The following MALRD1 variants were observed in gnomAD, a reference collection of about 807,000 sequenced individuals.
The protein encoded by MALRD1 is MAM and LDL-receptor class A domain-containing protein 1.
Under a neutral mutation model 242.1 loss-of-function variants are expected in MALRD1, and 247 were observed. The observed-to-expected ratio is 1.02, with a 90% CI of 0.92 to 1.13. The LOEUF (loss-of-function observed/expected upper bound fraction) is 1.13, where lower values mean the gene tolerates loss of function less well. MALRD1 is among the 50% of genes most tolerant of loss of function. The pLI is 0.00. For missense variants in MALRD1, 2,989 were observed against 2,533.1 expected, an observed-to-expected ratio of 1.18 and a Z score of -3.86; for synonymous variants, 995 against 866.6, an observed-to-expected ratio of 1.15 and a Z score of -2.60.
chr10:19,255,935 C>A (rs1161574047), intron 18 of MALRD1, among the ~76,000 whole-genome samples: 2 of 151,986 alleles, frequency 1.3e-5, no homozygotes, highest in South Asian at 2.1e-4. Flanking sequence ...ATAGCCAATT[C>A]TTTAATTTGT....
intron 33 of MALRD1, among the ~76,000 whole-genome samples, chr10:19,590,199 C>G (rs1837691133): frequency 6.6e-6 from 1 of 150,986 alleles, no homozygotes; most frequent in Non-Finnish European, 1.5e-5. Context: ...AGAAAATCAT[C>G]AAACATGAGG....
chr10:19,216,530 A>C (rs1183757352), intron 18 of MALRD1, among the ~76,000 whole-genome samples: 2 of 151,782 alleles, frequency 1.3e-5, no homozygotes, highest in Non-Finnish European at 2.9e-5. Flanking sequence ...TCAAGACTTA[A>C]TATTTCTTGA....
chr10:19,646,096 T>C (rs893782939), intron 36 of MALRD1, among the ~76,000 whole-genome samples: 1 of 152,204 alleles, frequency 6.6e-6, no homozygotes. Flanking sequence ...AATTTTTCTT[T>C]TCTTTTTAAA....
chr10:19,482,764 A>G (rs1039490471), intron 29 of MALRD1, among the ~76,000 whole-genome samples: 2 of 139,094 alleles, frequency 1.4e-5, no homozygotes, highest in Non-Finnish European at 3.1e-5. Context: ...GAAGAACTAT[A>G]AAATCCTTCT....
chr10:19,347,872 G>A lies in MALRD1; in HGVS notation c.4003G>A (p.Ala1335Thr). The A allele has an allele frequency of 6.5e-7, 1 of 1,550,384 alleles. No individual in the cohort carries two copies. Among genetic ancestry groups the A allele is most frequent in the East Asian group, 2.4e-5 (1 of 40,908 alleles). The change falls in exon 25 of 40, where the codon GCA becomes ACA. Residue 1335 changes from alanine (A) to threonine (T), a missense_variant. Coordinates refer to ENST00000454679, the MANE Select transcript of MALRD1 (RefSeq NM_001142308.3). ...GAACCTGAAAGCTAGCAGCATCCCT[G>A]CAGCAGGCACAGAGCCAGCAGCAGA... is the stretch of plus-strand genomic sequence containing the variant. Reference protein sequence around the residue: ...DWNLKASSIPAAGTEPAADHT... With the variant: ...DWNLKASSIPTAGTEPAADHT...
chr10:19,324,483 T>G (rs745722674), intron 22 of MALRD1, among the ~76,000 whole-genome samples: 11 of 152,114 alleles, frequency 7.2e-5, no homozygotes, highest in Non-Finnish European at 1.5e-4. Context: ...AGTGCTACAT[T>G]CTGTAATAGT....
intron 36 of MALRD1, among the ~76,000 whole-genome samples, chr10:19,677,977 G>A (rs1842205786): frequency 6.6e-6 from 1 of 152,138 alleles, no homozygotes; most frequent in Admixed American, 6.5e-5. Context: ...TCAATTGGTT[G>A]TAGATCTGTG....
chr10:19,323,722 C>A (rs1490481430), intron 21 of MALRD1, among the ~76,000 whole-genome samples: 1 of 152,122 alleles, frequency 6.6e-6, no homozygotes, highest in Non-Finnish European at 1.5e-5. Flanking sequence ...GATTCTCCTG[C>A]CTCAGCCTCC....
intron 36 of MALRD1, among the ~76,000 whole-genome samples, chr10:19,627,774 A>AAAAAT (rs1839725044): frequency 3.3e-5 from 5 of 149,794 alleles, no homozygotes; most frequent in African/African-American, 1.3e-4. Flanking sequence ...AAAAAAAAAA[A>AAAAAT]AAAAGGAAAA....
chr10:19,580,446 C>T (rs751877398), intron 33 of MALRD1, among the ~76,000 whole-genome samples: 1 of 152,024 alleles, frequency 6.6e-6, no homozygotes, highest in Non-Finnish European at 1.5e-5. Flanking sequence ...CACTTTTCCA[C>T]CTCAATCTCA....
intron 18 of MALRD1, among the ~76,000 whole-genome samples, chr10:19,249,938 G>A (rs1197703366): frequency 6.6e-6 from 1 of 151,830 alleles, no homozygotes; most frequent in Non-Finnish European, 1.5e-5. Context: ...ATAAAAATGG[G>A]GGAAATTTGG....
chr10:19,181,871 TAAGAA>T (rs1447947813), intron 14 of MALRD1, among the ~76,000 whole-genome samples: 8 of 152,272 alleles, frequency 5.3e-5, no homozygotes, highest in African/African-American at 1.4e-4. Flanking sequence ...TTTTAAAAAT[TAAGAA>T]AAGAAGCTTA....
chr10:19,533,557 C>G (rs1834524198), intron 32 of MALRD1, among the ~76,000 whole-genome samples: 1 of 152,250 alleles, frequency 6.6e-6, no homozygotes, highest in Admixed American at 6.5e-5. Context: ...AAGCATGGCA[C>G]TGGGCATCTG....
At chr10:19,306,082 C>G (rs1449494402) in intron 21 of MALRD1, among the ~76,000 whole-genome samples, 1 of 113,364 alleles carries the variant, frequency 8.8e-6, no homozygotes, top group Admixed American at 1.1e-4. Context: ...ATACTATATA[C>G]TATATATACT....
chr10:19,096,676 C>G (rs998443330), intron 4 of MALRD1, among the ~76,000 whole-genome samples: 17 of 152,204 alleles, frequency 1.1e-4, no homozygotes, highest in Admixed American at 1.0e-3. Context: ...CAAGGGAATT[C>G]TGTAATCAGA....
chr10:19,580,939 C>G (rs1837090982), intron 33 of MALRD1, among the ~76,000 whole-genome samples: 1 of 151,966 alleles, frequency 6.6e-6, no homozygotes, highest in African/African-American at 2.4e-5. Flanking sequence ...AAATAGAGGT[C>G]AAATAGAGGT....
At chr10:19,727,510 C>A (rs1835087328) in intron 38 of MALRD1, among the ~76,000 whole-genome samples, 1 of 152,130 alleles carries the variant, frequency 6.6e-6, no homozygotes, top group African/African-American at 2.4e-5. Flanking sequence ...CGCACAGTAT[C>A]TGCACGTAAT....
rs141032474 is a variant in MALRD1, at chr10:19,306,846, G to C, written c.3420-17103G>C. ...GGAAATGCCCCTTATAAAGCCACTG[G>C]ATCTCGTGAGATCTCATTCACTATC... On this transcript the variant is annotated intron_variant, in intron 21 of 39. Transcript: ENST00000454679. Among the ~76,000 whole-genome samples the C allele has an allele frequency of 1.2e-3, 183 of 151,466 alleles. 5 individuals carry two copies. In the East Asian group the frequency reaches 0.034, roughly 28 times the overall value.
At chr10:19,715,156 C>T (rs905901946) in intron 38 of MALRD1, among the ~76,000 whole-genome samples, 1 of 151,806 alleles carries the variant, frequency 6.6e-6, no homozygotes, top group Non-Finnish European at 1.5e-5. Context: ...TTTATTGCTC[C>T]TTATTTCCCT....
Sources: gnomAD v4.1 joint callset for allele counts (sites outside exome capture counted in the v4.1 genomes callset) on GRCh38, gnomAD v4.1.1 for gene constraint, MANE v1.5 for transcripts, NCBI Gene and HGNC (gene_info 2026-07-23, HGNC 2026-07-21) for gene names.